DAAM1: variants seen among roughly 807,000 people sequenced by gnomAD.
DAAM1 encodes the protein disheveled-associated activator of morphogenesis 1.
A neutral mutation model predicts 130.0 loss-of-function variants in DAAM1; 52 were observed. The observed-to-expected ratio is 0.40, with a 90% CI of 0.32 to 0.50. The LOEUF (loss-of-function observed/expected upper bound fraction) is 0.50, where lower values mean the gene tolerates loss of function less well. Ranked by LOEUF, DAAM1 falls within the 20% of genes least tolerant of loss-of-function variation. DAAM1 has a pLI of 0.61. For synonymous variants in DAAM1, 452 were observed against 444.5 expected, an observed-to-expected ratio of 1.02 and a Z score of -0.21; for missense variants, 1,134 against 1,303.8, an observed-to-expected ratio of 0.87 and a Z score of 2.01.
chr14:59,199,101 T>C (rs1157884105), intron 1 of DAAM1, among the ~76,000 whole-genome samples: 2 of 152,172 alleles, frequency 1.3e-5, no homozygotes, highest in Non-Finnish European at 2.9e-5. Flanking sequence ...TGCCCCTGCC[T>C]TGGCATGGTG....
At chr14:59,344,905 C>T (rs558552244) in intron 16 of DAAM1, among the ~76,000 whole-genome samples, 2 of 152,188 alleles carry the variant, frequency 1.3e-5, no homozygotes, top group South Asian at 4.1e-4. Context: ...CAGAACTACA[C>T]CATAAAATGG....
intron 1 of DAAM1, among the ~76,000 whole-genome samples, chr14:59,209,797 C>G (rs994924872): frequency 2.0e-5 from 3 of 152,016 alleles, no homozygotes; most frequent in Admixed American, 1.3e-4. Flanking sequence ...CAAGGAACAT[C>G]TATATGACCA....
chr14:59,199,025 G>A (rs8016509), intron 1 of DAAM1, among the ~76,000 whole-genome samples: 34,788 of 152,112 alleles, frequency 0.23, 4,457 homozygotes, highest in East Asian at 0.48. Context: ...TATCCATTGA[G>A]TTTCCCTAAA....
At chr14:59,238,448 C>G (rs558431064) in intron 1 of DAAM1, among the ~76,000 whole-genome samples, 1 of 152,100 alleles carries the variant, frequency 6.6e-6, no homozygotes, top group African/African-American at 2.4e-5. Context: ...TCAGCTAGGT[C>G]GTCAGCTCCA....
chr14:59,202,412 G>A (rs959747595), intron 1 of DAAM1, among the ~76,000 whole-genome samples: 3 of 152,310 alleles, frequency 2.0e-5, no homozygotes, highest in Non-Finnish European at 2.9e-5. Flanking sequence ...CATAGCAGAA[G>A]CAAGGAAAAT....
intron 2 of DAAM1, among the ~76,000 whole-genome samples, chr14:59,288,564 A>G (rs560365839): frequency 6.6e-6 from 1 of 152,282 alleles, no homozygotes; most frequent in South Asian, 2.1e-4. Context: ...GCAAGCAAAA[A>G]ACAACCCAAT....
At chr14:59,192,717 C>G (rs1345526931) in intron 1 of DAAM1, among the ~76,000 whole-genome samples, 1 of 152,152 alleles carries the variant, frequency 6.6e-6, no homozygotes, top group Non-Finnish European at 1.5e-5. Context: ...TAAGTGAATA[C>G]CAATCTTAAG....
At chr14:59,361,333 A>G (rs574089021) in intron 22 of DAAM1, among the ~76,000 whole-genome samples, 1 of 152,328 alleles carries the variant, frequency 6.6e-6, no homozygotes, top group African/African-American at 2.4e-5. Context: ...ACGATGACTC[A>G]GAATCCTTGT....
At chr14:59,262,079 C>CT (rs901638680) in intron 1 of DAAM1, among the ~76,000 whole-genome samples, 1 of 151,078 alleles carries the variant, frequency 6.6e-6, no homozygotes, top group Non-Finnish European at 1.5e-5. Context: ...AACCTCATCT[C>CT]TTTTTTAACC....
chr14:59,297,882 A>G (rs1594807305), intron 3 of DAAM1, among the ~76,000 whole-genome samples: 1 of 152,320 alleles, frequency 6.6e-6, no homozygotes, highest in East Asian at 1.9e-4. Context: ...TCAGGCATCT[A>G]CTGGGGGTCT....
At chr14:59,194,654 AAAT>A (rs1887829320) in intron 1 of DAAM1, among the ~76,000 whole-genome samples, 2 of 152,256 alleles carry the variant, frequency 1.3e-5, no homozygotes, top group Non-Finnish European at 2.9e-5. Context: ...TTTGAAAAGA[AAAT>A]AATGAACACT....
At chr14:59,350,725 G>A (rs1886258878) in intron 17 of DAAM1, among the ~76,000 whole-genome samples, 1 of 152,124 alleles carries the variant, frequency 6.6e-6, no homozygotes, top group South Asian at 2.1e-4. Flanking sequence ...ATGGCTGCAT[G>A]CTGAAATGCT....
At position 59,254,631 on chromosome 14, in the gene DAAM1, C is replaced by T. The variant is rs1389151705; in HGVS notation, c.-37-8810C>T. On this transcript the variant is annotated intron_variant, in intron 1 of 24. Coordinates refer to ENST00000360909, the MANE Select transcript of DAAM1 (RefSeq NM_001270520.2). ...GTGATGTCTTCGGGTGCTCCAAGGA[C>T]ACTTTGGGTTTGGCTCCTCTCCCAG... Among the ~76,000 whole-genome samples the T allele has an allele frequency of 2.0e-5, 3 of 152,138 alleles. No individual in the cohort carries two copies. The East Asian group carries it at 5.8e-4, about 29-fold the overall frequency.
Position 59,195,556 on chromosome 14 carries a change from G to A in DAAM1, c.-38+6788G>A, listed in dbSNP as rs184865043. 2.0e-5 allele frequency among the ~76,000 whole-genome samples: 3 copies of A among 152,136 alleles called. No individual in the cohort carries two copies. In the East Asian group the frequency reaches 5.8e-4, roughly 29 times the overall value. On this transcript the variant is annotated intron_variant, in intron 1 of 24. Coordinates refer to ENST00000360909, the MANE Select transcript of DAAM1 (RefSeq NM_001270520.2). ...TTTAAGGCTACCTGTATTTCTGCTG[G>A]CACACAATTAAGGTCACCTATTAAA...
intron 1 of DAAM1, among the ~76,000 whole-genome samples, chr14:59,209,225 C>A (rs1419635195): frequency 7.0e-6 from 1 of 141,924 alleles, no homozygotes; most frequent in African/African-American, 2.6e-5. Flanking sequence ...CCTCCAAGTG[C>A]TTGCTGGATG....
At chr14:59,368,002 A>G (rs540705661) in intron 24 of DAAM1, among the ~76,000 whole-genome samples, 26 of 152,264 alleles carry the variant, frequency 1.7e-4, no homozygotes, top group African/African-American at 5.5e-4. Context: ...ACATGTATTC[A>G]AAGAATAATG....
At chr14:59,365,040 G>A (rs1026938972) in intron 23 of DAAM1, among the ~76,000 whole-genome samples, 3 of 152,164 alleles carry the variant, frequency 2.0e-5, no homozygotes, top group African/African-American at 7.2e-5. Flanking sequence ...TCATCAAGGG[G>A]CTCAAACATT....
intron 1 of DAAM1, among the ~76,000 whole-genome samples, chr14:59,189,195 C>G (rs560261865): frequency 2.0e-5 from 3 of 152,186 alleles, no homozygotes; most frequent in East Asian, 3.9e-4. Flanking sequence ...CCGGCGGCTC[C>G]GAGAGGGAGA....
intron 1 of DAAM1, among the ~76,000 whole-genome samples, chr14:59,259,571 C>T (rs1264880257): frequency 1.3e-5 from 2 of 152,196 alleles, no homozygotes; most frequent in Non-Finnish European, 2.9e-5. Context: ...AATGATCTCT[C>T]TTCAGTTTAC....
Sources: allele counts gnomAD v4.1 joint callset (sites outside exome capture counted in the v4.1 genomes callset), GRCh38; gene constraint gnomAD v4.1.1; transcripts MANE v1.5; gene names NCBI Gene and HGNC (gene_info 2026-07-23, HGNC 2026-07-21).